RFTN2: variants seen among roughly 807,000 people sequenced by gnomAD.
The protein encoded by RFTN2 is raftlin family member 2.
In RFTN2, 34 loss-of-function variants were observed where a neutral mutation model predicts 52.7. The observed-to-expected ratio is 0.64, with a 90% CI of 0.49 to 0.86. RFTN2 has a LOEUF of 0.86. Ranked by LOEUF, RFTN2 falls within the 40% of genes least tolerant of loss-of-function variation. The pLI is 0.00. For synonymous variants in RFTN2, 203 were observed against 217.7 expected (o/e 0.93, Z 0.59); for missense variants, 536 against 600.1 (o/e 0.89, Z 1.12).
At chr2:197,628,534 T>C (rs2088406824) in intron 5 of RFTN2, among the ~76,000 whole-genome samples, 1 of 152,234 alleles carries the variant, frequency 6.6e-6, no homozygotes, top group Non-Finnish European at 1.5e-5. Context: ...AGTGTATGTT[T>C]TGTTTTTCTG....
intron 7 of RFTN2, among the ~76,000 whole-genome samples, chr2:197,604,588 G>C (rs1227592757): frequency 6.6e-6 from 1 of 152,178 alleles, no homozygotes; most frequent in Non-Finnish European, 1.5e-5. Context: ...TCCTAAAAGT[G>C]GGGATAATGT....
intron 5 of RFTN2, among the ~76,000 whole-genome samples, chr2:197,618,212 AGTGCCTGCGATTGC>A (rs1162926484): frequency 6.6e-6 from 1 of 151,866 alleles, no homozygotes; most frequent in African/African-American, 2.4e-5. Context: ...CAGCTTGCCG[AGTGCCTGCGATTGC>A]AGGCGCGCGC....
chr2:197,622,676 T>C (rs2088287844), intron 5 of RFTN2, among the ~76,000 whole-genome samples: 1 of 152,210 alleles, frequency 6.6e-6, no homozygotes, highest in South Asian at 2.1e-4. Flanking sequence ...CTTTCATTGC[T>C]AGAGAGGAGA....
At chr2:197,621,619 C>T (rs903688536) in intron 5 of RFTN2, among the ~76,000 whole-genome samples, 6 of 151,880 alleles carry the variant, frequency 4.0e-5, no homozygotes, top group South Asian at 2.1e-4. Context: ...TTTGGGCCAC[C>T]GGGAACCATG....
At chr2:197,605,951 A>G (rs963229010) in intron 7 of RFTN2, among the ~76,000 whole-genome samples, 4 of 152,078 alleles carry the variant, frequency 2.6e-5, no homozygotes, top group African/African-American at 9.7e-5. Flanking sequence ...TTCCTCTACC[A>G]TATTCACCTG....
chr2:197,659,739 C>T (rs758784724), intron 1 of RFTN2, among the ~76,000 whole-genome samples: 9 of 151,654 alleles, frequency 5.9e-5, no homozygotes, highest in Non-Finnish European at 1.0e-4. Flanking sequence ...ATTGCTTGAA[C>T]CAGGGAGGCA....
chr2:197,665,574 A>G (rs1040427922), intron 1 of RFTN2, among the ~76,000 whole-genome samples: 1 of 86,216 alleles, frequency 1.2e-5, no homozygotes, highest in East Asian at 2.9e-4. Flanking sequence ...TAGCTGATAT[A>G]GGTATAGCTA....
chr2:197,584,538 A>C (rs1167623702), intron 8 of RFTN2, among the ~76,000 whole-genome samples: 1 of 152,000 alleles, frequency 6.6e-6, no homozygotes, highest in Non-Finnish European at 1.5e-5. Context: ...AGATTGCAAA[A>C]ATTTTCTCCC....
chr2:197,672,444 A>C (rs2089160112), intron 1 of RFTN2, among the ~76,000 whole-genome samples: 1 of 152,208 alleles, frequency 6.6e-6, no homozygotes, highest in African/African-American at 2.4e-5. Context: ...CAGAGGGGAA[A>C]TGCAGGAATT....
chr2:197,631,229 T>G lies in RFTN2; in HGVS notation c.719-9A>C, dbSNP rs766454201. On this transcript the variant is annotated splice_polypyrimidine_tract_variant and intron_variant, in intron 4 of 8. Coordinates refer to ENST00000295049, the MANE Select transcript of RFTN2 (RefSeq NM_144629.3). The stretch of plus-strand genomic sequence containing the variant: ...CAATTTGTTATCTGAGGCTAGGCAT[T>G]CAGAAGGAGAAAAAAGGGGAAAATT... 1.3e-6 allele frequency: 2 copies of G among 1,589,934 alleles called. No individual in the cohort carries two copies. Among genetic ancestry groups the G allele is most frequent in the African/African-American group, 1.4e-5 (1 of 73,866 alleles).
Position 197,570,993 on chromosome 2 carries a change from C to T in RFTN2, c.*1015G>A, listed in dbSNP as rs1410647258. The T allele has an allele frequency of 6.6e-6, 1 of 152,164 alleles. No individual in the cohort carries two copies. The highest frequency in any genetic ancestry group is 2.4e-5 in the African/African-American group (1 of 41,388). The allele number at this position is 152,164 out of a possible 1,614,324, so 9.4% of individuals were successfully genotyped here. A position where few individuals can be genotyped will look rare whatever the true frequency, so the allele number is the denominator to read the frequency against. On this transcript the variant is annotated 3_prime_UTR_variant, in exon 9 of 9. Transcript: ENST00000295049. ...GTAGAATTTTAAAGATTGTTAAAGG[C>T]TGGGTCAAGGCAAAGCCACCTCTAT...
At chr2:197,611,010 T>C in intron 7 of RFTN2, among the ~76,000 whole-genome samples, 1 of 152,240 alleles carries the variant, frequency 6.6e-6, no homozygotes, top group East Asian at 1.9e-4. Flanking sequence ...CTGGATTCGG[T>C]TTGCCAGTAT....
intron 8 of RFTN2, among the ~76,000 whole-genome samples, chr2:197,580,607 C>A (rs11900254): frequency 0.029 from 4,355 of 152,296 alleles, 200 homozygotes; most frequent in African/African-American, 0.097. Flanking sequence ...TGCCTGATCA[C>A]CTTGGAAGCC....
At chr2:197,585,561 C>T (rs1401344302) in intron 8 of RFTN2, among the ~76,000 whole-genome samples, 1 of 152,140 alleles carries the variant, frequency 6.6e-6, no homozygotes, top group Non-Finnish European at 1.5e-5. Flanking sequence ...TCTTATGCCA[C>T]CCTCTACCTC....
chr2:197,625,717 TCCTCC>T (rs1325151080), intron 5 of RFTN2, among the ~76,000 whole-genome samples: 13 of 75,524 alleles, frequency 1.7e-4, no homozygotes, highest in African/African-American at 4.6e-4. Context: ...TCCTCTCCTC[TCCTCC>T]CCTCCCTTCC....
At chr2:197,670,954 T>C (rs4286272) in intron 1 of RFTN2, among the ~76,000 whole-genome samples, 81,976 of 151,830 alleles carry the variant, frequency 0.54, 22,441 homozygotes, top group East Asian at 0.78. Context: ...GTTCCTCCTT[T>C]GTAACATCTG....
chr2:197,642,579 G>T (rs2088690100), intron 3 of RFTN2, among the ~76,000 whole-genome samples: 1 of 152,088 alleles, frequency 6.6e-6, no homozygotes, highest in Non-Finnish European at 1.5e-5. Flanking sequence ...CAGTTATTGA[G>T]AATTTGGACC....
intron 8 of RFTN2, among the ~76,000 whole-genome samples, chr2:197,583,008 A>T (rs2087535607): frequency 6.6e-6 from 1 of 152,140 alleles, no homozygotes; most frequent in African/African-American, 2.4e-5. Flanking sequence ...TGGTTCTTAG[A>T]CCAAGGAAAA....
intron 1 of RFTN2, among the ~76,000 whole-genome samples, chr2:197,665,449 G>T (rs2089038041): frequency 1.4e-5 from 2 of 144,854 alleles, no homozygotes; most frequent in South Asian, 4.3e-4. Flanking sequence ...TCCAGTGTTG[G>T]GCGCATATAT....
Sources: allele counts gnomAD v4.1 joint callset (sites outside exome capture counted in the v4.1 genomes callset), GRCh38; gene constraint gnomAD v4.1.1; transcripts MANE v1.5; gene names NCBI Gene and HGNC (gene_info 2026-07-23, HGNC 2026-07-21).